The following ARID2 variants were observed in gnomAD, a reference collection of about 807,000 sequenced individuals.
ARID2 encodes the protein AT-rich interactive domain-containing protein 2.
ARID2 carries 32 observed loss-of-function variants against 184.6 expected under a neutral mutation model. That is an observed-to-expected ratio of 0.17 (90% confidence interval 0.13 to 0.23). ARID2 has a LOEUF of 0.23. Among genes scored for constraint, ARID2 ranks in the 10% least tolerant of loss-of-function variants. The probability of loss-of-function intolerance (pLI) is 1.00; values close to 1 mark genes in which losing one functional copy is unlikely to be tolerated. For synonymous variants in ARID2, 836 were observed against 772.6 expected (o/e 1.08, Z -1.36); for missense variants, 1,696 against 2,197.6 (o/e 0.77, Z 4.56).
chr12:45,771,313 G>C (rs202028371), intron 3 of ARID2, among the ~76,000 whole-genome samples: 1 of 149,244 alleles, frequency 6.7e-6, no homozygotes, highest in East Asian at 2.0e-4. Context: ...AGCTGAGATC[G>C]TGCCACTGCA....
chr12:45,763,926 T>A (rs546186886), intron 3 of ARID2, among the ~76,000 whole-genome samples: 11 of 152,306 alleles, frequency 7.2e-5, no homozygotes, highest in Non-Finnish European at 1.5e-4. Context: ...GAGTATTTAA[T>A]ATTTATAGAA....
chr12:45,905,119 C>T lies in ARID2; in HGVS notation c.*41C>T, dbSNP rs767480084. On this transcript the variant is annotated 3_prime_UTR_variant, in exon 21 of 21. Coordinates refer to ENST00000334344, the MANE Select transcript of ARID2 (RefSeq NM_152641.4). ...ACACAGTGGGGGACTCAAAGTCAGC[C>T]ACATTTCACATACTGTTACTGAAGA... 53 of 1,590,662 alleles carry T rather than the reference C, an allele frequency of 3.3e-5. 1 individual carries two copies. Among genetic ancestry groups the T allele is most frequent in the Admixed American group, 1.9e-4 (11 of 57,850 alleles).
intron 16 of ARID2, among the ~76,000 whole-genome samples, chr12:45,866,533 A>G (rs1446404512): frequency 5.3e-5 from 8 of 152,232 alleles, no homozygotes; most frequent in Non-Finnish European, 8.8e-5. Context: ...TTATTTTTGT[A>G]GAAGTACCAT....
At chr12:45,761,991 C>A (rs1941691046) in intron 3 of ARID2, among the ~76,000 whole-genome samples, 1 of 151,968 alleles carries the variant, frequency 6.6e-6, no homozygotes, top group Non-Finnish European at 1.5e-5. Context: ...TTTTAAAATT[C>A]TTCATTGCAA....
At chr12:45,889,390 G>T (rs1427709727) in intron 16 of ARID2, among the ~76,000 whole-genome samples, 1 of 152,068 alleles carries the variant, frequency 6.6e-6, no homozygotes, top group Non-Finnish European at 1.5e-5. Flanking sequence ...GTATACTCTT[G>T]AATTTTCCCA....
intron 3 of ARID2, among the ~76,000 whole-genome samples, chr12:45,798,980 CTAATA>C (rs1462750358): frequency 9.2e-5 from 14 of 151,352 alleles, no homozygotes; most frequent in African/African-American, 1.2e-4. Context: ...GGTACTCTCC[CTAATA>C]TATTAACCTG....
chr12:45,897,856 T>C (rs888237151), intron 20 of ARID2, among the ~76,000 whole-genome samples: 1 of 152,104 alleles, frequency 6.6e-6, no homozygotes. Context: ...TTTTTTTTTT[T>C]ATCTTTGAGA....
At chr12:45,821,674 G>A (rs771493988) in intron 6 of ARID2, among the ~76,000 whole-genome samples, 187 bp downstream of exon 6, 5 of 152,020 alleles carry the variant, frequency 3.3e-5, no homozygotes, top group Non-Finnish European at 7.4e-5. Flanking sequence ...GAATACCCAC[G>A]AACAGACATA....
At chr12:45,782,209 TG>T (rs1445264890) in intron 3 of ARID2, among the ~76,000 whole-genome samples, 1 of 152,090 alleles carries the variant, frequency 6.6e-6, no homozygotes, top group Non-Finnish European at 1.5e-5. Flanking sequence ...CACTAGCAAA[TG>T]TGTCTAGAAA....
chr12:45,860,362 A>G (rs982195565), intron 15 of ARID2, among the ~76,000 whole-genome samples: 2 of 152,342 alleles, frequency 1.3e-5, no homozygotes, highest in East Asian at 3.9e-4. Flanking sequence ...GCTTTTTACC[A>G]TATTGTTTCA....
At chr12:45,886,139 A>C (rs888971548) in intron 16 of ARID2, among the ~76,000 whole-genome samples, 1 of 152,088 alleles carries the variant, frequency 6.6e-6, no homozygotes, top group African/African-American at 2.4e-5. Context: ...GTTACTTCCT[A>C]GATACAGTGG....
At position 45,907,933 on chromosome 12, in the gene ARID2, A is replaced by G. The variant is rs530853876; in HGVS notation, c.*2855A>G. On this transcript the variant is annotated 3_prime_UTR_variant, in exon 21 of 21. Coordinates refer to ENST00000334344, the MANE Select transcript of ARID2 (RefSeq NM_152641.4). Reference sequence around the variant, plus strand: ...AGGATTGTGACTATATATTAATGAGACTCAGTAATCCAACCCACACCTGAG... The same window carrying G: ...AGGATTGTGACTATATATTAATGAGGCTCAGTAATCCAACCCACACCTGAG... The G allele has an allele frequency of 4.3e-6, 1 of 231,666 alleles. No individual in the cohort carries two copies. Among genetic ancestry groups the G allele is most frequent in the African/African-American group, 2.2e-5 (1 of 45,358 alleles). The allele number at this position is 231,666 out of a possible 1,614,324, so 14.4% of individuals were successfully genotyped here.
intron 3 of ARID2, among the ~76,000 whole-genome samples, chr12:45,772,329 C>T (rs1423098940): frequency 2.0e-5 from 3 of 152,122 alleles, no homozygotes; most frequent in African/African-American, 7.2e-5. Context: ...GTAAAGTACA[C>T]CTGTAGTCCT....
At chr12:45,796,602 C>T (rs1942397314) in intron 3 of ARID2, among the ~76,000 whole-genome samples, 1 of 152,180 alleles carries the variant, frequency 6.6e-6, no homozygotes, top group African/African-American at 2.4e-5. Context: ...CAACCTCCGC[C>T]TCCTGGGTTC....
At chr12:45,822,028 A>T (rs1942906808) in intron 6 of ARID2, among the ~76,000 whole-genome samples, 1 of 152,234 alleles carries the variant, frequency 6.6e-6, no homozygotes, top group African/African-American at 2.4e-5. Flanking sequence ...TCAAGGAAAT[A>T]TAGGATGCTT....
chr12:45,819,129 A>G (rs1025459141), intron 5 of ARID2, among the ~76,000 whole-genome samples: 25 of 152,160 alleles, frequency 1.6e-4, no homozygotes, highest in African/African-American at 6.0e-4. Context: ...AAGAATGTAT[A>G]TTTTCAAACC....
chr12:45,789,777 A>T (rs1452797026), intron 3 of ARID2: 1 of 152,168 alleles, frequency 6.6e-6, no homozygotes, highest in African/African-American at 2.4e-5. Flanking sequence ...TGAACCTTTT[A>T]TCATTATAAT....
chr12:45,808,732 CGTGCGTGTGTGT>C (rs1436235238), intron 3 of ARID2, among the ~76,000 whole-genome samples: 1 of 146,488 alleles, frequency 6.8e-6, no homozygotes, highest in African/African-American at 2.5e-5. Context: ...TGTGTGTTTG[CGTGCGTGTGTGT>C]GTGTGTGTGT....
chr12:45,811,274 A>G, intron 3 of ARID2, 144 bp from the exon 4 acceptor site: 1 of 809,706 alleles, frequency 1.2e-6, no homozygotes, highest in South Asian at 2.3e-5. Flanking sequence ...AACTGGAGTT[A>G]CTGTTCTAAT....
Sources: gnomAD v4.1 joint callset for allele counts (sites outside exome capture counted in the v4.1 genomes callset) on GRCh38, gnomAD v4.1.1 for gene constraint, MANE v1.5 for transcripts, NCBI Gene and HGNC (gene_info 2026-07-23, HGNC 2026-07-21) for gene names.